The following ARMC2 variants were observed in gnomAD, a reference collection of about 807,000 sequenced individuals.
The protein encoded by ARMC2 is armadillo repeat containing 2.
A neutral mutation model predicts 90.3 loss-of-function variants in ARMC2; 67 were observed. The observed-to-expected ratio is 0.74, with a 90% CI of 0.61 to 0.91. ARMC2 has a LOEUF of 0.91. Ranked by LOEUF, ARMC2 falls within the 40% of genes least tolerant of loss-of-function variation. ARMC2 has a pLI of 0.00. For missense variants in ARMC2, 920 were observed against 1,030.9 expected (o/e 0.89, Z 1.47); for synonymous variants, 393 against 393.0 (o/e 1.00, Z 0.00).
rs777333131 is a variant in ARMC2, at chr6:108,961,636, A to G, written c.1980A>G (p.Leu660=). The stretch of plus-strand genomic sequence containing the variant: ...ATGCTACAGCGACAATCAACAATTT[A>G]TCTTACTACCAAGTGAAGAATTCCA... The part of the protein sequence containing the change: ...VINATATINN[L]SYYQVKNSII... The change falls in exon 14 of 18, where the codon TTA becomes TTG. Residue 660 remains leucine (L), a synonymous_variant. Transcript: ENST00000392644. The G allele has an allele frequency of 8.7e-6, 14 of 1,612,260 alleles. No homozygotes were observed. In the Middle Eastern group the frequency reaches 1.5e-3, roughly 175 times the overall value.
chr6:108,944,166 C>CCT (rs1354571068), intron 12 of ARMC2, among the ~76,000 whole-genome samples: 1 of 152,188 alleles, frequency 6.6e-6, no homozygotes, highest in East Asian at 1.9e-4. Flanking sequence ...CACACAGAGT[C>CCT]AGTCTTTCTC....
intron 5 of ARMC2, among the ~76,000 whole-genome samples, chr6:108,879,724 T>G (rs868246463): frequency 6.6e-6 from 1 of 152,120 alleles, no homozygotes; most frequent in African/African-American, 2.4e-5. Flanking sequence ...ATGGGATCTT[T>G]AGGAGGAAAG....
chr6:109,038,518 A>C, the ARMC2 span, among the ~76,000 whole-genome samples: 1 of 152,176 alleles, frequency 6.6e-6, no homozygotes. Flanking sequence ...AAAACAACAC[A>C]AGTCTTTAGC....
the ARMC2 span, chr6:109,000,128 T>G: frequency 9.4e-3 from 1,490 of 158,650 alleles, 87 homozygotes; most frequent in Admixed American, 0.088. Flanking sequence ...GTTGCAGGGG[T>G]TTAGGGGAAG....
the ARMC2 span, among the ~76,000 whole-genome samples, chr6:108,979,697 ATT>A: frequency 6.6e-6 from 1 of 151,670 alleles, no homozygotes; most frequent in African/African-American, 2.4e-5. Flanking sequence ...GTTTCTTTTC[ATT>A]CTTTTTTCTC....
At chr6:108,995,783 CAA>C in the ARMC2 span, among the ~76,000 whole-genome samples, 3 of 151,510 alleles carry the variant, frequency 2.0e-5, no homozygotes, top group Non-Finnish European at 4.4e-5. Context: ...GACTTTGTCT[CAA>C]AAAGAGAAAA....
chr6:108,965,134 T>C lies in ARMC2; in HGVS notation c.2440T>C (p.Phe814Leu), dbSNP rs763869081. The change falls in exon 17 of 18, where the codon TTT (phenylalanine) becomes CTT (leucine). Residue 814 changes from phenylalanine (F) to leucine (L), a missense_variant. Phe to Leu is a conservative substitution (Grantham distance 22). Transcript: ENST00000392644. ...TNTLLLLLSS[F>L]LDEELALDGS... ...CACACTCTTACTCTTGCTCTCATCA[T>C]TTTTAGGTAAGACTCTTGACTATGA... The C allele has an allele frequency of 3.1e-6, 5 of 1,602,570 alleles. No individual in the cohort carries two copies. Among genetic ancestry groups the C allele is most frequent in the Admixed American group, 3.3e-5 (2 of 59,776 alleles).
chr6:108,990,838 A>C, the ARMC2 span: 1 of 1,612,046 alleles, frequency 6.2e-7, no homozygotes, highest in East Asian at 2.2e-5. Flanking sequence ...CAATAGTCCT[A>C]AATACAGGGA....
the ARMC2 span, among the ~76,000 whole-genome samples, chr6:109,005,844 G>A: frequency 5.2e-3 from 797 of 152,182 alleles, 8 homozygotes; most frequent in African/African-American, 0.017. Context: ...TTATACAAAC[G>A]TGAGTCTTTT....
the ARMC2 span, among the ~76,000 whole-genome samples, chr6:109,004,614 TAG>T: frequency 1.4e-5 from 2 of 145,222 alleles, no homozygotes; most frequent in African/African-American, 5.7e-5. Context: ...GTATTTTTAG[TAG>T]AGACAGGGTT....
chr6:108,962,273 T>C, intron 15 of ARMC2, 146 bp downstream of exon 15: 1 of 708,510 alleles, frequency 1.4e-6, no homozygotes, highest in Non-Finnish European at 2.4e-6. Flanking sequence ...TGGCTCAGGA[T>C]GCCAAGATGG....
the ARMC2 span, among the ~76,000 whole-genome samples, chr6:108,980,517 T>C: frequency 5.8e-5 from 7 of 120,260 alleles, no homozygotes; most frequent in Non-Finnish European, 1.1e-4. Flanking sequence ...GGAGTTCTCC[T>C]GAGGAGAACG....
chr6:108,959,208 A>G (rs551723126), intron 13 of ARMC2, among the ~76,000 whole-genome samples: 140 of 152,274 alleles, frequency 9.2e-4, no homozygotes, highest in African/African-American at 3.3e-3. Flanking sequence ...GGAACAGTGT[A>G]TGTCTTCTGC....
At chr6:109,014,409 G>T in the ARMC2 span, among the ~76,000 whole-genome samples, 2 of 152,148 alleles carry the variant, frequency 1.3e-5, no homozygotes, top group Admixed American at 1.3e-4. Flanking sequence ...CTTGACCAAA[G>T]TTATAAAACT....
At chr6:108,912,878 A>G (rs961481209) in intron 10 of ARMC2, among the ~76,000 whole-genome samples, 1 of 152,242 alleles carries the variant, frequency 6.6e-6, no homozygotes, top group Non-Finnish European at 1.5e-5. Flanking sequence ...AATTTTAACA[A>G]GCTGCTTAGA....
At chr6:108,859,396 G>T in intron 3 of ARMC2, among the ~76,000 whole-genome samples, 1 of 152,094 alleles carries the variant, frequency 6.6e-6, no homozygotes, top group East Asian at 1.9e-4. Context: ...TGTGGATTTG[G>T]TAGAGCATTC....
chr6:108,892,265 G>A (rs529930898), intron 5 of ARMC2, among the ~76,000 whole-genome samples: 22 of 152,230 alleles, frequency 1.4e-4, no homozygotes, highest in African/African-American at 4.8e-4. Context: ...TTTTTGCAAG[G>A]TTGATTCTTT....
the ARMC2 span, among the ~76,000 whole-genome samples, chr6:108,984,525 C>T: frequency 6.6e-6 from 1 of 152,112 alleles, no homozygotes; most frequent in African/African-American, 2.4e-5. Flanking sequence ...CTCCCAAAGG[C>T]CTACTTTTTT....
At chr6:109,052,427 A>G in the ARMC2 span, among the ~76,000 whole-genome samples, 1 of 152,178 alleles carries the variant, frequency 6.6e-6, no homozygotes, top group Non-Finnish European at 1.5e-5. Context: ...AAAGAAAGCC[A>G]CTGCTATTAT....
Sources: allele counts gnomAD v4.1 joint callset (sites outside exome capture counted in the v4.1 genomes callset), GRCh38; gene constraint gnomAD v4.1.1; transcripts MANE v1.5; gene names NCBI Gene and HGNC (gene_info 2026-07-23, HGNC 2026-07-21).